SLC14A2: variants seen among roughly 807,000 people sequenced by gnomAD.
SLC14A2 encodes urea transporter 2.
Under a neutral mutation model 104.6 loss-of-function variants are expected in SLC14A2, and 91 were observed. The ratio of observed to expected loss-of-function variants is 0.87; its 90% confidence interval spans 0.73 to 1.04. The LOEUF (loss-of-function observed/expected upper bound fraction) is 1.04, where lower values mean the gene tolerates loss of function less well. Among genes scored for constraint, SLC14A2 ranks in the 50% least tolerant of loss-of-function variants. SLC14A2 has a pLI of 0.00. For synonymous variants in SLC14A2, 476 were observed against 466.4 expected (o/e 1.02, Z -0.27); for missense variants, 1,189 against 1,156.0 (o/e 1.03, Z -0.41).
intron 2 of SLC14A2, among the ~76,000 whole-genome samples, chr18:45,542,041 T>TG (rs2043893771): frequency 2.1e-5 from 2 of 95,116 alleles, no homozygotes; most frequent in East Asian, 3.6e-4. Context: ...GAGGGTTTTT[T>TG]TTTTTTTTTT....
intron 1 of SLC14A2, among the ~76,000 whole-genome samples, chr18:45,260,246 C>T (rs570866203): frequency 1.3e-5 from 2 of 152,314 alleles, no homozygotes; most frequent in East Asian, 1.9e-4. Context: ...ACACAAGGCA[C>T]ATGTGTCCTT....
chr18:45,369,887 A>C (rs2085704174), intron 1 of SLC14A2, among the ~76,000 whole-genome samples: 1 of 152,148 alleles, frequency 6.6e-6, no homozygotes, highest in Admixed American at 6.5e-5. Context: ...AACTCTTTCT[A>C]CTGTGTTATA....
At chr18:45,538,398 T>A (rs889150059) in intron 2 of SLC14A2, among the ~76,000 whole-genome samples, 2 of 152,216 alleles carry the variant, frequency 1.3e-5, no homozygotes, top group Non-Finnish European at 2.9e-5. Context: ...TTAGAGTCTT[T>A]CGTGAGGTTT....
At chr18:45,455,736 A>G (rs1568214777) in intron 1 of SLC14A2, among the ~76,000 whole-genome samples, 1 of 152,182 alleles carries the variant, frequency 6.6e-6, no homozygotes, top group Non-Finnish European at 1.5e-5. Flanking sequence ...AACAAAAGTG[A>G]CAGTGTCTGT....
chr18:45,627,161 T>C lies in SLC14A2; in HGVS notation c.521+14T>C. Reference sequence around the variant, plus strand: ...GGGCCAAGACAGGTGGGTCCCTCTCTATAGGGATTTTAGCAAGATGTGTGG... The same window carrying C: ...GGGCCAAGACAGGTGGGTCCCTCTCCATAGGGATTTTAGCAAGATGTGTGG... On this transcript the variant is annotated intron_variant, in intron 4 of 19. Transcript: ENST00000255226. 1 of 1,609,582 alleles carries C rather than the reference T, an allele frequency of 6.2e-7. No individual in the cohort carries two copies. Among genetic ancestry groups the C allele is most frequent in the Non-Finnish European group, 8.5e-7 (1 of 1,176,308 alleles).
At chr18:45,624,126 A>G (rs1485738021) in intron 1 of SLC14A2, among the ~76,000 whole-genome samples, 1 of 152,144 alleles carries the variant, frequency 6.6e-6, no homozygotes, top group Non-Finnish European at 1.5e-5. Context: ...GTTCCTAGGG[A>G]AGGGAAAGAG....
intron 2 of SLC14A2, among the ~76,000 whole-genome samples, chr18:45,605,454 C>T (rs577583612): frequency 6.6e-6 from 1 of 151,944 alleles, no homozygotes; most frequent in Non-Finnish European, 1.5e-5. Flanking sequence ...TTTTGACCTC[C>T]CGGGGGCACA....
At chr18:45,429,736 C>G (rs1410360200) in intron 1 of SLC14A2, among the ~76,000 whole-genome samples, 1 of 152,138 alleles carries the variant, frequency 6.6e-6, no homozygotes, top group Non-Finnish European at 1.5e-5. Context: ...ATCCTCGAAG[C>G]CAAGTTACCT....
At chr18:45,644,823 T>C (rs2045591333) in intron 10 of SLC14A2, among the ~76,000 whole-genome samples, 1 of 152,192 alleles carries the variant, frequency 6.6e-6, no homozygotes, top group Non-Finnish European at 1.5e-5. Flanking sequence ...AAGCATTTCT[T>C]AGTTTAGGTC....
At position 45,682,489 on chromosome 18, in the gene SLC14A2, A is replaced by G; in HGVS notation, c.2733A>G (p.Ile911Met). Reference sequence around the variant, plus strand: ...AGAGAAACAGAAGGGCATCAATCATAACAAAGTATCAGGCCTACGATGTCT... The same window carrying G: ...AGAGAAACAGAAGGGCATCAATCATGACAAAGTATCAGGCCTACGATGTCT... ...SQERNRRASI[I>M]TKYQAYDVS Residue 911 changes from isoleucine to methionine, a missense_variant, in exon 20 of 20, where the codon ATA (isoleucine) becomes ATG (methionine). Ile to Met is a conservative substitution (Grantham distance 10). Transcript: ENST00000255226. 1 of 1,614,144 alleles carries G rather than the reference A, an allele frequency of 6.2e-7. No individual in the cohort carries two copies. The highest frequency in any genetic ancestry group is 8.5e-7 in the Non-Finnish European group (1 of 1,179,994).
intron 1 of SLC14A2, among the ~76,000 whole-genome samples, chr18:45,446,835 C>G (rs1226127192): frequency 6.6e-6 from 1 of 152,120 alleles, no homozygotes; most frequent in East Asian, 1.9e-4. Context: ...ATGAATAGGA[C>G]AGAATAGGAA....
chr18:45,200,363 G>A, the SLC14A2 span, among the ~76,000 whole-genome samples: 1 of 152,170 alleles, frequency 6.6e-6, no homozygotes, highest in Admixed American at 6.5e-5. Flanking sequence ...TGTTCAAAAT[G>A]GAGAAACTAA....
At chr18:45,669,043 G>C (rs896756657) in intron 15 of SLC14A2, among the ~76,000 whole-genome samples, 1 of 152,250 alleles carries the variant, frequency 6.6e-6, no homozygotes, top group African/African-American at 2.4e-5. Flanking sequence ...GATGCCTGGG[G>C]ATGGAGCTAT....
intron 1 of SLC14A2, among the ~76,000 whole-genome samples, chr18:45,414,757 A>ATATATATATATATATATATAT (rs1555684043): frequency 2.6e-5 from 2 of 76,106 alleles, no homozygotes; most frequent in Non-Finnish European, 4.4e-5. Context: ...AAAAAAAAAA[A>ATATATATATATATATATATAT]ATATATATAT....
At chr18:45,447,555 C>T (rs1026836531) in intron 1 of SLC14A2, 2 of 152,214 alleles carry the variant, frequency 1.3e-5, no homozygotes, top group Admixed American at 1.3e-4. Context: ...CATCTGTAGG[C>T]ACCACCTTTC....
intron 1 of SLC14A2, among the ~76,000 whole-genome samples, chr18:45,236,223 ATGTGTATATATACATATATG>A: frequency 1.9e-5 from 1 of 51,674 alleles, no homozygotes; most frequent in African/African-American, 9.3e-5. Flanking sequence ...GTGTGTATAT[ATGTGTATATATACATATATG>A]TGTGTATATA....
At chr18:45,291,798 G>T (rs139043502) in intron 1 of SLC14A2, among the ~76,000 whole-genome samples, 1 of 150,066 alleles carries the variant, frequency 6.7e-6, no homozygotes, top group Admixed American at 6.6e-5. Context: ...TCGAATTGTC[G>T]TTGTGCTATT....
intron 2 of SLC14A2, chr18:45,492,184 A>C (rs1312431254): frequency 1.3e-5 from 2 of 152,242 alleles, no homozygotes; most frequent in African/African-American, 2.4e-5. Flanking sequence ...CTATTGGCTG[A>C]CTGTACCTCT....
intron 1 of SLC14A2, among the ~76,000 whole-genome samples, chr18:45,244,873 T>C (rs1319225438): frequency 6.6e-6 from 1 of 152,226 alleles, no homozygotes; most frequent in East Asian, 1.9e-4. Context: ...TATTCATTCA[T>C]CCATCTGTCT....
Sources: gnomAD v4.1 joint callset for allele counts (sites outside exome capture counted in the v4.1 genomes callset) on GRCh38, gnomAD v4.1.1 for gene constraint, MANE v1.5 for transcripts, NCBI Gene and HGNC (gene_info 2026-07-23, HGNC 2026-07-21) for gene names.